The following ZNF385D variants were observed in gnomAD, a reference collection of about 807,000 sequenced individuals.
The protein encoded by ZNF385D is zinc finger protein 385D.
In ZNF385D, 15 loss-of-function variants were observed where a neutral mutation model predicts 35.8. The ratio of observed to expected loss-of-function variants is 0.42; its 90% CI spans 0.28 to 0.64. ZNF385D has a LOEUF of 0.64. Ranked by LOEUF, ZNF385D falls within the 30% of genes least tolerant of loss-of-function variation. The pLI is 0.23. For synonymous variants in ZNF385D, 212 were observed against 186.8 expected, an observed-to-expected ratio of 1.13 and a Z score of -1.10; for missense variants, 474 against 494.6, an observed-to-expected ratio of 0.96 and a Z score of 0.39.
chr3:22,129,149 G>A (rs1428935439), intron 3 of ZNF385D, among the ~76,000 whole-genome samples: 1 of 152,138 alleles, frequency 6.6e-6, no homozygotes, highest in Non-Finnish European at 1.5e-5. Context: ...ACATGGGAGA[G>A]TCTCTTGTTT....
chr3:21,813,016 A>G (rs1011783837), intron 3 of ZNF385D, among the ~76,000 whole-genome samples: 2 of 152,322 alleles, frequency 1.3e-5, no homozygotes, highest in African/African-American at 4.8e-5. Flanking sequence ...AGCATCAGGC[A>G]GCAACATTTG....
rs377421308 is a variant in ZNF385D, at chr3:21,501,052, G to A, written c.439+9809C>T. Among the ~76,000 whole-genome samples the A allele has an allele frequency of 3.9e-5, 6 of 152,230 alleles. No homozygotes were observed. The South Asian group carries it at 1.2e-3, about 32-fold the overall frequency. On this transcript the variant is annotated intron_variant, in intron 4 of 7. Coordinates refer to ENST00000281523, the MANE Select transcript of ZNF385D (RefSeq NM_024697.3). ...TTTGCATTAGAAGGCTAGGGTGGGA[G>A]GGCCAGCTTTTTTCGCAGGCTACAT... is the stretch of plus-strand genomic sequence containing the variant.
chr3:21,858,593 T>C (rs1474096218), intron 3 of ZNF385D, among the ~76,000 whole-genome samples: 1 of 152,026 alleles, frequency 6.6e-6, no homozygotes, highest in East Asian at 1.9e-4. Flanking sequence ...ATATGAGGAA[T>C]AGTCTCTCAG....
chr3:21,710,640 G>C (rs2125412039), intron 1 of ZNF385D, among the ~76,000 whole-genome samples: 1 of 152,220 alleles, frequency 6.6e-6, no homozygotes. Context: ...ATGCATGTTT[G>C]GGACAAGATA....
chr3:22,047,461 T>C (rs1164538070), intron 3 of ZNF385D, among the ~76,000 whole-genome samples: 3 of 152,098 alleles, frequency 2.0e-5, no homozygotes, highest in Non-Finnish European at 4.4e-5. Flanking sequence ...GTGAGTTAAA[T>C]TTTTTGAGAT....
chr3:21,876,485 T>C (rs1489538550), intron 3 of ZNF385D, among the ~76,000 whole-genome samples: 7 of 151,630 alleles, frequency 4.6e-5, no homozygotes, highest in Non-Finnish European at 8.8e-5. Context: ...TATATTCTTT[T>C]GACTAAGAAT....
At chr3:21,845,097 G>C (rs1230706812) in intron 3 of ZNF385D, among the ~76,000 whole-genome samples, 1 of 151,876 alleles carries the variant, frequency 6.6e-6, no homozygotes, top group African/African-American at 2.4e-5. Flanking sequence ...TTATTCAAGA[G>C]AATAACTTAA....
At chr3:22,189,038 A>T (rs569746056) in intron 2 of ZNF385D, among the ~76,000 whole-genome samples, 3 of 151,440 alleles carry the variant, frequency 2.0e-5, no homozygotes, top group South Asian at 2.1e-4. Flanking sequence ...AAAAACCAGC[A>T]TTTTTTTTTC....
chr3:22,144,215 TAG>T (rs569186024), intron 3 of ZNF385D, among the ~76,000 whole-genome samples: 2 of 152,174 alleles, frequency 1.3e-5, no homozygotes, highest in Non-Finnish European at 2.9e-5. Flanking sequence ...AGTTCAAAAA[TAG>T]AGACAACATT....
intron 1 of ZNF385D, among the ~76,000 whole-genome samples, chr3:21,692,666 G>C (rs1008004317): frequency 4.6e-5 from 7 of 152,174 alleles, no homozygotes; most frequent in Admixed American, 3.3e-4. Flanking sequence ...CAAGCACGCA[G>C]AACACCTATC....
At chr3:21,727,953 G>A (rs779383923) in intron 1 of ZNF385D, among the ~76,000 whole-genome samples, 4 of 152,060 alleles carry the variant, frequency 2.6e-5, no homozygotes, top group Non-Finnish European at 4.4e-5. Context: ...AGAAAATGTG[G>A]CCATAAAAAA....
chr3:21,797,503 T>A (rs899314489), intron 3 of ZNF385D, among the ~76,000 whole-genome samples: 6 of 152,086 alleles, frequency 3.9e-5, no homozygotes, highest in African/African-American at 1.4e-4. Context: ...CCCAAAGGAG[T>A]TGAAAAGTTA....
intron 3 of ZNF385D, among the ~76,000 whole-genome samples, chr3:21,799,826 A>G (rs953678196): frequency 1.3e-5 from 2 of 152,154 alleles, no homozygotes; most frequent in African/African-American, 2.4e-5. Flanking sequence ...ATTCATTGCC[A>G]TATCTAAGAC....
chr3:21,814,819 T>C (rs2073079084), intron 3 of ZNF385D, among the ~76,000 whole-genome samples: 1 of 152,204 alleles, frequency 6.6e-6, no homozygotes, highest in Admixed American at 6.5e-5. Flanking sequence ...AACTCAGCTC[T>C]GCACCAAACA....
At chr3:21,812,215 G>C (rs556819461) in intron 3 of ZNF385D, among the ~76,000 whole-genome samples, 1 of 152,172 alleles carries the variant, frequency 6.6e-6, no homozygotes, top group Non-Finnish European at 1.5e-5. Context: ...TCCTTTAAAA[G>C]ATACTTAAGG....
intron 3 of ZNF385D, among the ~76,000 whole-genome samples, chr3:21,851,052 A>G (rs539048044): frequency 6.6e-6 from 1 of 152,164 alleles, no homozygotes; most frequent in Admixed American, 6.5e-5. Context: ...AGATAAAATC[A>G]AAGGACAAGG....
At chr3:21,930,268 T>A (rs1488130834) in intron 3 of ZNF385D, among the ~76,000 whole-genome samples, 3 of 139,150 alleles carry the variant, frequency 2.2e-5, no homozygotes, top group African/African-American at 5.0e-5. Context: ...ACACTTTTTT[T>A]ATACTGTACA....
chr3:21,747,007 G>T (rs934849487), intron 1 of ZNF385D, among the ~76,000 whole-genome samples: 1 of 151,464 alleles, frequency 6.6e-6, no homozygotes, highest in Non-Finnish European at 1.5e-5. Context: ...AGGGGAATAG[G>T]GTTCTGTCCT....
intron 4 of ZNF385D, among the ~76,000 whole-genome samples, chr3:21,497,093 A>G (rs1559348285): frequency 6.6e-6 from 1 of 152,168 alleles, no homozygotes; most frequent in Non-Finnish European, 1.5e-5. Flanking sequence ...CTAAATCAGA[A>G]GAGAAGAATT....
Sources: gnomAD v4.1 joint callset for allele counts (sites outside exome capture counted in the v4.1 genomes callset) on GRCh38, gnomAD v4.1.1 for gene constraint, MANE v1.5 for transcripts, NCBI Gene and HGNC (gene_info 2026-07-23, HGNC 2026-07-21) for gene names.